Variants in DOCK7 observed in about 807,000 individuals in gnomAD.
The protein encoded by DOCK7 is dedicator of cytokinesis protein 7.
In DOCK7, 138 loss-of-function variants were observed where a neutral mutation model predicts 271.0. The ratio of observed to expected loss-of-function variants is 0.51; its 90% CI spans 0.44 to 0.59. DOCK7 has a LOEUF of 0.59. DOCK7 is among the 20% of genes least tolerant of loss of function. DOCK7 has a pLI of 0.00. For synonymous variants in DOCK7, 823 were observed against 876.1 expected, an observed-to-expected ratio of 0.94 and a Z score of 1.07; for missense variants, 2,066 against 2,592.4, an observed-to-expected ratio of 0.80 and a Z score of 4.41.
chr1:62,533,677 A>T (rs1645247941), intron 29 of DOCK7, among the ~76,000 whole-genome samples: 1 of 152,202 alleles, frequency 6.6e-6, no homozygotes, highest in East Asian at 1.9e-4. Flanking sequence ...TTCCAAACTT[A>T]GGAAGTTGCC....
intron 21 of DOCK7, among the ~76,000 whole-genome samples, chr1:62,553,312 T>A (rs1217247514): frequency 3.1e-3 from 63 of 20,546 alleles, no homozygotes; most frequent in African/African-American, 0.012. Context: ...AAAAAGTATT[T>A]TATATATATA....
intron 11 of DOCK7, among the ~76,000 whole-genome samples, chr1:62,625,675 G>A (rs1653862019): frequency 6.6e-6 from 1 of 152,182 alleles, no homozygotes; most frequent in East Asian, 1.9e-4. Context: ...AGCTATAGAG[G>A]AAGTATGCAT....
chr1:62,592,133 T>C (rs1370497358), intron 14 of DOCK7, among the ~76,000 whole-genome samples: 1 of 152,200 alleles, frequency 6.6e-6, no homozygotes, highest in Non-Finnish European at 1.5e-5. Flanking sequence ...AATTTTGAGT[T>C]CCGAATCCAA....
intron 14 of DOCK7, among the ~76,000 whole-genome samples, chr1:62,609,745 A>G (rs766187119): frequency 2.0e-5 from 3 of 152,144 alleles, no homozygotes; most frequent in South Asian, 2.1e-4. Context: ...ACAATCTAAG[A>G]TAACACTCCA....
At chr1:62,635,141 T>A (rs1655102309) in intron 8 of DOCK7, 3 of 344,088 alleles carry the variant, frequency 8.7e-6, no homozygotes, top group African/African-American at 4.3e-5. Context: ...CTCAAAAAAA[T>A]TACTTATTTA....
intron 18 of DOCK7, among the ~76,000 whole-genome samples, chr1:62,564,482 AT>A (rs1376961693): frequency 2.0e-5 from 3 of 152,216 alleles, no homozygotes; most frequent in Non-Finnish European, 4.4e-5. Context: ...GAAGGCAGAA[AT>A]AGATGTTCCT....
chr1:62,512,010 C>T (rs1461802212), intron 33 of DOCK7, among the ~76,000 whole-genome samples: 1 of 152,072 alleles, frequency 6.6e-6, no homozygotes, highest in Non-Finnish European at 1.5e-5. Flanking sequence ...GACAAGAAGA[C>T]TTCAATTGTT....
intron 1 of DOCK7, among the ~76,000 whole-genome samples, chr1:62,666,803 T>C (rs1659375725): frequency 6.6e-6 from 1 of 152,168 alleles, no homozygotes; most frequent in African/African-American, 2.4e-5. Flanking sequence ...AACTGCAAAG[T>C]AGAAAAGGTC....
chr1:62,552,791 C>G lies in DOCK7; in HGVS notation c.2707G>C (p.Asp903His), dbSNP rs759007079. 8 of 1,613,820 alleles carry G rather than the reference C, an allele frequency of 5.0e-6. No homozygotes were observed. In the African/African-American group the frequency reaches 9.3e-5, roughly 19 times the overall value. The change falls in exon 22 of 50, where the codon GAT (aspartate) becomes CAT (histidine). Residue 903 changes from aspartate (D) to histidine (H), a missense_variant. Transcript: ENST00000635253. ...GGTGACGTGGGAGTCCCAGATATATCTGGATTGCTATTACTAAGGCTTCGA... is the reference window on the plus strand; with the variant it reads ...GGTGACGTGGGAGTCCCAGATATATGTGGATTGCTATTACTAAGGCTTCGA... The part of the protein sequence containing the change: ...RSRSLSNSNP[D>H]ISGTPTSPDD...
At position 62,510,688 on chromosome 1, in the gene DOCK7, T is replaced by C. The variant is rs750372003; in HGVS notation, c.4283-15A>G. The C allele has an allele frequency of 1.9e-6, 3 of 1,599,440 alleles. No homozygotes were observed. The highest frequency in any genetic ancestry group is 3.4e-5 in the Admixed American group (2 of 59,460). On this transcript the variant is annotated splice_polypyrimidine_tract_variant and intron_variant, in intron 33 of 49. Coordinates refer to ENST00000635253, the MANE Select transcript of DOCK7 (RefSeq NM_001367561.1). The stretch of plus-strand genomic sequence containing the variant: ...TGGGCTTCTCTCTGTCAAATAAATT[T>C]CAAAACCAATTTTCAAATGTTATTT...
intron 48 of DOCK7, chr1:62,458,886 A>G (rs1238788637): frequency 6.6e-6 from 1 of 152,230 alleles, no homozygotes; most frequent in African/African-American, 2.4e-5. Context: ...GTATTTGAGA[A>G]AAGTATCTGG....
At chr1:62,660,378 A>G (rs1468866159) in intron 2 of DOCK7, among the ~76,000 whole-genome samples, 7 of 152,268 alleles carry the variant, frequency 4.6e-5, no homozygotes, top group Non-Finnish European at 1.0e-4. Flanking sequence ...AAATGAAAAT[A>G]CAACATAAAA....
chr1:62,512,801 A>T (rs536810532), intron 33 of DOCK7, among the ~76,000 whole-genome samples: 25 of 151,718 alleles, frequency 1.6e-4, no homozygotes, highest in African/African-American at 5.8e-4. Flanking sequence ...GTAGGTGTGT[A>T]TTGGGGGATG....
chr1:62,517,031 C>T (rs1197919069), intron 31 of DOCK7, among the ~76,000 whole-genome samples: 2 of 152,172 alleles, frequency 1.3e-5, no homozygotes, highest in Non-Finnish European at 2.9e-5. Context: ...ATGCTTTTAG[C>T]TCCTGACTCA....
At chr1:62,598,596 C>A in intron 14 of DOCK7, 2 of 705,536 alleles carry the variant, frequency 2.8e-6, no homozygotes, top group Non-Finnish European at 5.1e-6. Context: ...TTTTTCAAAT[C>A]CATTATTAGT....
At position 62,529,291 on chromosome 1, in the gene DOCK7, A is replaced by T. The variant is rs1645104481; in HGVS notation, c.3767T>A (p.Leu1256Gln). 2.5e-6 allele frequency: 4 copies of T among 1,602,640 alleles called. No homozygotes were observed. In the African/African-American group the frequency reaches 5.4e-5, roughly 22 times the overall value. The change falls in exon 30 of 50, where the codon CTG (leucine) becomes CAG (glutamine). Residue 1256 changes from leucine (L) to glutamine (Q), a missense_variant. This residue lies in a region of DOCK7 where 1,414 missense variants were observed against 1,670.4 expected (regional missense o/e 0.85). Coordinates refer to ENST00000635253, the MANE Select transcript of DOCK7 (RefSeq NM_001367561.1). ...IGIIMETVPQ[L>Q]YDFTETHNQR... ...ATACTAGGTACCTGTAAAATCATAC[A>T]GCTGAGGTACAGTTTCCATGATAAT...
rs141352428 is a variant in DOCK7, at chr1:62,522,791, C to G, written c.3936+5360G>C. ...ATCTACAAATATGTTATTAGTTTATCACTTTATCATTTATTTTATATTGTG... is the reference window on the plus strand; with the variant it reads ...ATCTACAAATATGTTATTAGTTTATGACTTTATCATTTATTTTATATTGTG... On this transcript the variant is annotated intron_variant, in intron 31 of 49. Transcript: ENST00000635253. Among the ~76,000 whole-genome samples, 16 of 152,122 alleles carry G rather than the reference C, an allele frequency of 1.1e-4. No homozygotes were observed. In the East Asian group the frequency reaches 3.1e-3, roughly 29 times the overall value.
rs1444679578 is a variant in DOCK7 at position 62,646,435 on chromosome 1, G to T, written c.818+1256C>A. Among the ~76,000 whole-genome samples the T allele has an allele frequency of 2.0e-5, 3 of 152,118 alleles. No homozygotes were observed. The East Asian group carries it at 5.8e-4, about 29-fold the overall frequency. Reference sequence around the variant, plus strand: ...ATATGTTAAAGCCCTAACCCCCAATGTGACTGTAATTGGAAATAAGCCCTT... The same window carrying T: ...ATATGTTAAAGCCCTAACCCCCAATTTGACTGTAATTGGAAATAAGCCCTT... On this transcript the variant is annotated intron_variant, in intron 7 of 49. Transcript: ENST00000635253.
intron 43 of DOCK7, chr1:62,481,300 A>C (rs767694822): frequency 2.0e-5 from 3 of 152,232 alleles, no homozygotes; most frequent in Non-Finnish European, 2.9e-5. Context: ...TGGATATTTA[A>C]AAATAAATGT....
Sources: allele counts gnomAD v4.1 joint callset (sites outside exome capture counted in the v4.1 genomes callset), GRCh38; gene constraint gnomAD v4.1.1; regional missense constraint gnomAD v4.1.1; transcripts MANE v1.5; gene names NCBI Gene and HGNC (gene_info 2026-07-23, HGNC 2026-07-21).